The following KLHDC1 variants were observed in gnomAD, a reference collection of about 807,000 sequenced individuals.
The protein encoded by KLHDC1 is kelch domain-containing protein 1.
In KLHDC1, 53 loss-of-function variants were observed where a neutral mutation model predicts 68.3. That is an observed-to-expected ratio of 0.78 (90% confidence interval 0.62 to 0.98). The LOEUF (loss-of-function observed/expected upper bound fraction) is 0.98, where lower values mean the gene tolerates loss of function less well. Among genes scored for constraint, KLHDC1 ranks in the 50% least tolerant of loss-of-function variants. The pLI, the probability that KLHDC1 is intolerant of heterozygous loss-of-function variation, is 0.00. For synonymous variants in KLHDC1, 148 were observed against 159.0 expected (o/e 0.93, Z 0.52); for missense variants, 470 against 492.3 (o/e 0.95, Z 0.43).
chr14:49,710,937 G>T (rs1366482717), intron 4 of KLHDC1, among the ~76,000 whole-genome samples: 5 of 151,846 alleles, frequency 3.3e-5, no homozygotes, highest in Non-Finnish European at 7.4e-5. Flanking sequence ...TTGTAACATT[G>T]TCTTCATTTC....
chr14:49,698,037 T>C (rs893923538), intron 1 of KLHDC1, among the ~76,000 whole-genome samples: 3 of 152,220 alleles, frequency 2.0e-5, no homozygotes, highest in Non-Finnish European at 4.4e-5. Context: ...GCAAAGAGTC[T>C]AGATATAAAG....
intron 12 of KLHDC1, among the ~76,000 whole-genome samples, chr14:49,748,949 C>T (rs997156612): frequency 6.6e-6 from 1 of 151,806 alleles, no homozygotes; most frequent in Non-Finnish European, 1.5e-5. Flanking sequence ...TACAGGCACG[C>T]ACCATCACAC....
intron 1 of KLHDC1, among the ~76,000 whole-genome samples, chr14:49,703,465 C>T (rs955395367): frequency 2.0e-5 from 3 of 152,012 alleles, no homozygotes; most frequent in Non-Finnish European, 4.4e-5. Flanking sequence ...GCCTCAGCCT[C>T]CCAAGTAGCT....
intron 8 of KLHDC1, among the ~76,000 whole-genome samples, chr14:49,730,485 G>T (rs1322895926): frequency 6.6e-6 from 1 of 152,050 alleles, no homozygotes; most frequent in Non-Finnish European, 1.5e-5. Context: ...CTCCCAAAGT[G>T]CTGGGATTAC....
At chr14:49,733,581 C>T (rs1189772427) in intron 9 of KLHDC1, among the ~76,000 whole-genome samples, 1 of 151,952 alleles carries the variant, frequency 6.6e-6, no homozygotes, top group East Asian at 1.9e-4. Context: ...GTGCCCACCA[C>T]CACGCTCAGC....
intron 1 of KLHDC1, among the ~76,000 whole-genome samples, chr14:49,706,461 C>T (rs916025970): frequency 6.6e-6 from 1 of 152,140 alleles, no homozygotes; most frequent in Non-Finnish European, 1.5e-5. Context: ...GATATCTCTG[C>T]GATACACTGA....
chr14:49,713,823 TATATATATATATATA>T (rs1566602815), intron 4 of KLHDC1, among the ~76,000 whole-genome samples: 177 of 3,794 alleles, frequency 0.047, 7 homozygotes, highest in African/African-American at 0.065. Context: ...TATATATATA[TATATATATATATATA>T]TATATATATA....
intron 8 of KLHDC1, 67 bp downstream of exon 8, chr14:49,729,615 C>A: frequency 1.9e-6 from 2 of 1,026,812 alleles, no homozygotes; most frequent in Non-Finnish European, 3.0e-6. Context: ...TCACCATAAT[C>A]CAAATGTGAG....
chr14:49,693,203 C>T lies in KLHDC1; in HGVS notation c.9C>T (p.Asp3=), dbSNP rs1219484881. 1.3e-6 allele frequency: 2 copies of T among 1,583,898 alleles called. No homozygotes were observed. The highest frequency in any genetic ancestry group is 1.7e-5 in the Admixed American group (1 of 57,634). ...GGCCAGCGACGGCGCGAATGGCGGA[C>T]TCTCAGCTGTTCTGTGTGGCGGAGG... MA[D]SQLFCVAEER... Residue 3 remains aspartate, a synonymous_variant, in exon 1 of 13, where the codon GAC becomes GAT. Transcript: ENST00000359332.
rs1889326206 is a variant in KLHDC1 at position 49,751,770 on chromosome 14, T to A, written c.1219T>A (p.Ter407LysextTer31). The change falls in exon 13 of 13, where the codon TAA (stop) becomes AAA (lysine). Residue 407 changes from the stop codon to lysine (K), a stop_lost. Transcript: ENST00000359332. ...ENKYQWISSN[*>K] ...TAAATATCAGTGGATCAGTAGCAAT[T>A]AAATTGTTATATACTTTACATATTT... is the stretch of plus-strand genomic sequence containing the variant. 2 of 1,496,116 alleles carry A rather than the reference T, an allele frequency of 1.3e-6. No individual in the cohort carries two copies. Among genetic ancestry groups the A allele is most frequent in the East Asian group, 4.6e-5 (2 of 43,522 alleles). The allele number at this position is 1,496,116 out of a possible 1,614,324, so 92.7% of individuals were successfully genotyped here. A position where few individuals can be genotyped will look rare whatever the true frequency, so the allele number is the denominator to read the frequency against.
At chr14:49,695,360 A>G (rs918932285) in intron 1 of KLHDC1, among the ~76,000 whole-genome samples, 1 of 152,192 alleles carries the variant, frequency 6.6e-6, no homozygotes, top group African/African-American at 2.4e-5. Context: ...ATCCATGGGC[A>G]ACAGAATGGA....
chr14:49,752,772 T>C lies in KLHDC1; in HGVS notation c.*1000T>C, dbSNP rs1168507130. 6.6e-6 allele frequency: 1 copy of C among 152,108 alleles called. No homozygotes were observed. The highest frequency in any genetic ancestry group is 1.5e-5 in the Non-Finnish European group (1 of 67,972). The allele number at this position is 152,108 out of a possible 1,614,324, so 9.4% of individuals were successfully genotyped here. A position where few individuals can be genotyped will look rare whatever the true frequency, so the allele number is the denominator to read the frequency against. ...ATTCCTAAAAATGGTACTTTTGGCATAATTAAGAAATTTTTCTTCATATTA... is the reference window on the plus strand; with the variant it reads ...ATTCCTAAAAATGGTACTTTTGGCACAATTAAGAAATTTTTCTTCATATTA... On this transcript the variant is annotated 3_prime_UTR_variant, in exon 13 of 13. Transcript: ENST00000359332.
At chr14:49,724,576 CAT>C (rs1888618877) in intron 5 of KLHDC1, among the ~76,000 whole-genome samples, 1 of 151,740 alleles carries the variant, frequency 6.6e-6, no homozygotes, top group South Asian at 2.1e-4. Context: ...CACACACACA[CAT>C]TTCATGTATA....
At chr14:49,725,551 G>A (rs1393355427) in intron 5 of KLHDC1, 135 bp from the exon 6 acceptor site, 1 of 584,198 alleles carries the variant, frequency 1.7e-6, no homozygotes, top group East Asian at 3.1e-5. Context: ...GTATCCGTTG[G>A]CTTTGTGACT....
rs1371156120 is a variant in KLHDC1 at position 49,727,108 on chromosome 14, C to T, written c.567+1339C>T. 2.0e-5 allele frequency among the ~76,000 whole-genome samples: 3 copies of T among 152,028 alleles called. No individual in the cohort carries two copies. In the East Asian group the frequency reaches 5.8e-4, roughly 29 times the overall value. ...AAAAATACAAAGGAAATTAGCTGGG[C>T]GTGGCGGCATGCGCCTGTAGTCCCA... On this transcript the variant is annotated intron_variant, in intron 6 of 12. Transcript: ENST00000359332.
rs201352159 is a variant in KLHDC1, at chr14:49,710,790, T to C, written c.404+409T>C. 3.9e-5 allele frequency among the ~76,000 whole-genome samples: 6 copies of C among 152,216 alleles called. No individual in the cohort carries two copies. In the East Asian group the frequency reaches 9.6e-4, roughly 24 times the overall value. ...CCATTTTTGGGAAGAAGGGGAACTT[T>C]AGTTATGAACATTTTAGCTCCTCAC... On this transcript the variant is annotated intron_variant, in intron 4 of 12. Coordinates refer to ENST00000359332, the MANE Select transcript of KLHDC1 (RefSeq NM_172193.3).
intron 1 of KLHDC1, among the ~76,000 whole-genome samples, chr14:49,694,000 C>T (rs1887660589): frequency 6.6e-6 from 1 of 151,910 alleles, no homozygotes; most frequent in East Asian, 1.9e-4. Flanking sequence ...GATCCGCCCG[C>T]CTTGGCTTCC....
chr14:49,736,765 C>T (rs904700717), intron 10 of KLHDC1, among the ~76,000 whole-genome samples: 1 of 152,160 alleles, frequency 6.6e-6, no homozygotes, highest in African/African-American at 2.4e-5. Context: ...TTAGCAGCAT[C>T]CCTGTCCTTT....
Position 49,741,416 on chromosome 14 carries a change from C to T in KLHDC1, c.981+1234C>T, listed in dbSNP as rs535467200. ...CACCTCCTGGGTTCAAGCGATTCTC[C>T]GGCCTCAGCCTCCCAAGTAGCTGGG... On this transcript the variant is annotated intron_variant, in intron 11 of 12. Coordinates refer to ENST00000359332, the MANE Select transcript of KLHDC1 (RefSeq NM_172193.3). Among the ~76,000 whole-genome samples, 16 of 151,974 alleles carry T rather than the reference C, an allele frequency of 1.1e-4. No individual in the cohort carries two copies. In the East Asian group the frequency reaches 2.3e-3, roughly 22 times the overall value.
Sources: allele counts gnomAD v4.1 joint callset (sites outside exome capture counted in the v4.1 genomes callset), GRCh38; gene constraint gnomAD v4.1.1; transcripts MANE v1.5; gene names NCBI Gene and HGNC (gene_info 2026-07-23, HGNC 2026-07-21).